ARL5A: variants seen among roughly 807,000 people sequenced by gnomAD.
ARL5A encodes the protein ADP-ribosylation factor-like protein 5A.
ARL5A carries 18 observed loss-of-function variants against 25.9 expected under a neutral mutation model. That is an observed-to-expected ratio of 0.69 (90% CI 0.48 to 1.03). The LOEUF is 1.03. Among genes scored for constraint, ARL5A ranks in the 50% least tolerant of loss-of-function variants. The pLI is 0.00. For missense variants in ARL5A, 170 were observed against 211.9 expected (o/e 0.80, Z 1.23); for synonymous variants, 61 against 67.5 (o/e 0.90, Z 0.47).
intron 1 of ARL5A, among the ~76,000 whole-genome samples, chr2:151,827,142 T>C (rs144965210): frequency 3.7e-4 from 56 of 152,278 alleles, no homozygotes; most frequent in African/African-American, 1.3e-3. Flanking sequence ...ACAAACTAAG[T>C]TCCTGACAGC....
At position 151,800,139 on chromosome 2, in the gene ARL5A, C is replaced by T. The variant is rs2099829211; in HGVS notation, c.*3137G>A. 6.6e-6 allele frequency: 1 copy of T among 152,146 alleles called. No homozygotes were observed. Among genetic ancestry groups the T allele is most frequent in the African/African-American group, 2.4e-5 (1 of 41,416 alleles). The allele number at this position is 152,146 out of a possible 1,614,324, so 9.4% of individuals were successfully genotyped here. A position where few individuals can be genotyped will look rare whatever the true frequency, so the allele number is the denominator to read the frequency against. On this transcript the variant is annotated 3_prime_UTR_variant, in exon 6 of 6. Transcript: ENST00000295087. ...AGCAGAGCCTATTACACGTACATTC[C>T]CAAAAATGCCTCCAGAGAAAACTAG...
intron 1 of ARL5A, among the ~76,000 whole-genome samples, chr2:151,821,332 A>G (rs1392750690): frequency 4.6e-5 from 7 of 152,234 alleles, no homozygotes; most frequent in Admixed American, 2.0e-4. Flanking sequence ...TGAACATATC[A>G]TATTCTTACC....
At chr2:151,810,698 T>C (rs763245595) in intron 4 of ARL5A, 4 of 258,398 alleles carry the variant, frequency 1.5e-5, no homozygotes, top group Non-Finnish European at 3.2e-5. Context: ...TGTAAGTTAA[T>C]GCCCCCAGCT....
rs557047943 is a variant in ARL5A at position 151,799,532 on chromosome 2, T to C, written c.*3744A>G. 6.6e-6 allele frequency: 1 copy of C among 152,350 alleles called. No homozygotes were observed. Among genetic ancestry groups the C allele is most frequent in the South Asian group, 2.1e-4 (1 of 4,830 alleles). The allele number at this position is 152,350 out of a possible 1,614,324, so 9.4% of individuals were successfully genotyped here. ...AAACTTAATCCTGCCCATGCCTAAC[T>C]AGTAGCTCACGGAAGTGGTAGAGTC... On this transcript the variant is annotated 3_prime_UTR_variant, in exon 6 of 6. Transcript: ENST00000295087.
intron 1 of ARL5A, among the ~76,000 whole-genome samples, chr2:151,825,662 G>A (rs1330234630): frequency 1.3e-5 from 2 of 152,064 alleles, no homozygotes; most frequent in African/African-American, 2.4e-5. Context: ...AGAAACAGGA[G>A]ATACTGCATA....
In ARL5A at chr2:151,812,378, G is replaced by C. The variant is rs766851868; in HGVS notation, c.318C>G (p.Leu106=). 2.5e-6 allele frequency: 4 copies of C among 1,604,712 alleles called. No individual in the cohort carries two copies. In the Admixed American group the frequency reaches 5.2e-5, roughly 21 times the overall value. Residue 106 remains leucine, a synonymous_variant, in exon 4 of 6, where the codon CTC becomes CTG. Transcript: ENST00000295087. ...RERISVTREE[L]YKMLAHEDLR... is the part of the protein sequence containing the mutation. ...TTACCTCATGCGCTAACATTTTATA[G>C]AGTTCTTCTCTAGTTACAGAAATCC...
chr2:151,823,345 A>G (rs577405394), intron 1 of ARL5A, among the ~76,000 whole-genome samples: 1 of 152,346 alleles, frequency 6.6e-6, no homozygotes, highest in Admixed American at 6.5e-5. Flanking sequence ...CAATAAAAAG[A>G]AAGTTTGAAA....
rs2099831192 is a variant in ARL5A, at chr2:151,814,156, T to G, written c.255+13A>C. Reference sequence around the variant, plus strand: ...TCTGTTTATAGAATTTTAAATATTGTAAGAAACATTACCTCTGTGTTAGTA... The same window carrying G: ...TCTGTTTATAGAATTTTAAATATTGGAAGAAACATTACCTCTGTGTTAGTA... On this transcript the variant is annotated intron_variant, in intron 3 of 5. Transcript: ENST00000295087. 2 of 1,554,872 alleles carry G rather than the reference T, an allele frequency of 1.3e-6. No individual in the cohort carries two copies. Among genetic ancestry groups the G allele is most frequent in the Non-Finnish European group, 1.7e-6 (2 of 1,158,560 alleles).
chr2:151,815,238 A>AG, intron 1 of ARL5A, 39 bp from the exon 2 acceptor site: 1 of 1,503,492 alleles, frequency 6.7e-7, no homozygotes, highest in Non-Finnish European at 9.1e-7. Flanking sequence ...TTTTCAAAAA[A>AG]GGAAAAAAAA....
At chr2:151,808,673 G>T (rs545321866) in intron 4 of ARL5A, among the ~76,000 whole-genome samples, 4 of 152,322 alleles carry the variant, frequency 2.6e-5, no homozygotes, top group African/African-American at 9.6e-5. Flanking sequence ...AACTTGAAGA[G>T]ATAAAGTATA....
At chr2:151,820,917 T>A (rs942501572) in intron 1 of ARL5A, among the ~76,000 whole-genome samples, 1 of 151,980 alleles carries the variant, frequency 6.6e-6, no homozygotes, top group Non-Finnish European at 1.5e-5. Flanking sequence ...AGGAGAGAAA[T>A]TAGCCAAGGT....
intron 4 of ARL5A, among the ~76,000 whole-genome samples, chr2:151,807,214 G>C (rs1209051413): frequency 2.0e-5 from 3 of 152,054 alleles, no homozygotes; most frequent in Non-Finnish European, 4.4e-5. Flanking sequence ...ATGTTTCCCA[G>C]TATATACACC....
chr2:151,823,006 G>A (rs922200947), intron 1 of ARL5A, among the ~76,000 whole-genome samples: 4 of 152,126 alleles, frequency 2.6e-5, no homozygotes, highest in Admixed American at 2.0e-4. Context: ...TTATTGTAGA[G>A]AATTACTATC....
At chr2:151,815,375 CA>C (rs779578989) in intron 1 of ARL5A, among the ~76,000 whole-genome samples, 176 bp from the exon 2 acceptor site, 2 of 152,152 alleles carry the variant, frequency 1.3e-5, no homozygotes, top group African/African-American at 2.4e-5. Context: ...AGAAGTGTGC[CA>C]TTATACTCAC....
Position 151,815,809 on chromosome 2 carries a change from A to T in ARL5A, c.47-610T>A, listed in dbSNP as rs543562421. On this transcript the variant is annotated intron_variant, in intron 1 of 5. Transcript: ENST00000295087. Reference sequence around the variant, plus strand: ...GTTTTCTTCCTGTCTCTAGTCATTTATTTTTTTTCAATGACTCCTCTTCCT... The same window carrying T: ...GTTTTCTTCCTGTCTCTAGTCATTTTTTTTTTTTCAATGACTCCTCTTCCT... 4.0e-5 allele frequency among the ~76,000 whole-genome samples: 6 copies of T among 151,720 alleles called. No individual in the cohort carries two copies. The East Asian group carries it at 1.2e-3, about 29-fold the overall frequency.
At chr2:151,826,048 G>A (rs2099833014) in intron 1 of ARL5A, among the ~76,000 whole-genome samples, 1 of 152,120 alleles carries the variant, frequency 6.6e-6, no homozygotes, top group African/African-American at 2.4e-5. Context: ...CTTGAACCCA[G>A]GAGGCACAGG....
At chr2:151,816,264 C>A (rs964697145) in intron 1 of ARL5A, among the ~76,000 whole-genome samples, 1 of 152,094 alleles carries the variant, frequency 6.6e-6, no homozygotes, top group African/African-American at 2.4e-5. Flanking sequence ...GACCAGTCAG[C>A]CCCTATCTCT....
At chr2:151,827,530 T>C (rs2099833236) in intron 1 of ARL5A, 1 of 152,056 alleles carries the variant, frequency 6.6e-6, no homozygotes. Flanking sequence ...ACAGATATAA[T>C]AAGTAAAACA....
rs1438452546 is a variant in ARL5A at position 151,800,197 on chromosome 2, T to C, written c.*3079A>G. On this transcript the variant is annotated 3_prime_UTR_variant, in exon 6 of 6. Coordinates refer to ENST00000295087, the MANE Select transcript of ARL5A (RefSeq NM_012097.4). ...TCTATAGATTTTCTATTTACACTAA[T>C]ATAAACAGGTTTGGAGGTTGTCTGT... is the stretch of plus-strand genomic sequence containing the variant. The C allele has an allele frequency of 1.3e-5, 2 of 151,654 alleles. No homozygotes were observed. Among genetic ancestry groups the C allele is most frequent in the African/African-American group, 2.4e-5 (1 of 41,234 alleles). The allele number at this position is 151,654 out of a possible 1,614,324, so 9.4% of individuals were successfully genotyped here.
Sources: allele counts gnomAD v4.1 joint callset (sites outside exome capture counted in the v4.1 genomes callset), GRCh38; gene constraint gnomAD v4.1.1; transcripts MANE v1.5; gene names NCBI Gene and HGNC (gene_info 2026-07-23, HGNC 2026-07-21).